TBC1D9: variants seen among roughly 807,000 people sequenced by gnomAD.
The protein encoded by TBC1D9 is TBC1 domain family member 9A.
A neutral mutation model predicts 132.0 loss-of-function variants in TBC1D9; 63 were observed. The ratio of observed to expected loss-of-function variants is 0.48; its 90% CI spans 0.39 to 0.59. TBC1D9 has a LOEUF of 0.59. Among genes scored for constraint, TBC1D9 ranks in the 20% least tolerant of loss-of-function variants. TBC1D9 has a pLI of 0.00. For synonymous variants in TBC1D9, 610 were observed against 609.9 expected (o/e 1.00, Z 0.00); for missense variants, 1,261 against 1,592.7 (o/e 0.79, Z 3.54).
At chr4:140,718,420 T>C (rs746091205) in intron 1 of TBC1D9, among the ~76,000 whole-genome samples, 2 of 152,170 alleles carry the variant, frequency 1.3e-5, no homozygotes, top group Non-Finnish European at 2.9e-5. Flanking sequence ...GAATGAACCC[T>C]GAGGAAAACA....
chr4:140,639,937 C>A (rs1736957544), intron 13 of TBC1D9, among the ~76,000 whole-genome samples: 3 of 152,172 alleles, frequency 2.0e-5, no homozygotes. Context: ...TTCGTACCCC[C>A]TAAATGTTTG....
chr4:140,664,244 A>G (rs1056607052), intron 9 of TBC1D9, among the ~76,000 whole-genome samples: 10 of 152,012 alleles, frequency 6.6e-5, no homozygotes, highest in African/African-American at 2.4e-4. Flanking sequence ...TGAAGGCTGC[A>G]GGATACAAAA....
At chr4:140,720,615 T>G (rs1456146995) in intron 1 of TBC1D9, among the ~76,000 whole-genome samples, 1 of 152,212 alleles carries the variant, frequency 6.6e-6, no homozygotes, top group East Asian at 1.9e-4. Flanking sequence ...AAATGCAGGC[T>G]GTGGCCCGTC....
chr4:140,731,152 C>A (rs947189850), intron 1 of TBC1D9, among the ~76,000 whole-genome samples: 1 of 152,130 alleles, frequency 6.6e-6, no homozygotes, highest in Non-Finnish European at 1.5e-5. Flanking sequence ...TGTTTACATA[C>A]CACCAACTCA....
intron 1 of TBC1D9, among the ~76,000 whole-genome samples, chr4:140,744,419 TCC>T (rs969280909): frequency 1.3e-5 from 2 of 152,132 alleles, no homozygotes; most frequent in Non-Finnish European, 2.9e-5. Flanking sequence ...TATACCCTTC[TCC>T]CTTTCAAATT....
At position 140,717,014 on chromosome 4, in the gene TBC1D9, C is replaced by T. The variant is rs76813261; in HGVS notation, c.131-15400G>A. Reference sequence around the variant, plus strand: ...CTCTGCATTTAATAAAACAATAATACAATGAAAGACTTGGGTTATATCAAA... The same window carrying T: ...CTCTGCATTTAATAAAACAATAATATAATGAAAGACTTGGGTTATATCAAA... On this transcript the variant is annotated intron_variant, in intron 1 of 20. Transcript: ENST00000442267. Among the ~76,000 whole-genome samples the T allele has an allele frequency of 9.9e-3, 1,493 of 151,314 alleles. 32 individuals are homozygous for T. Among genetic ancestry groups the T allele is most frequent in the South Asian group, 0.053 (255 of 4,792 alleles).
rs202037117 is a variant in TBC1D9, at chr4:140,633,974, T to G, written c.2720A>C (p.Asn907Thr). 727 of 1,613,790 alleles carry G rather than the reference T, an allele frequency of 4.5e-4. 2 individuals carry two copies. Among genetic ancestry groups the G allele is most frequent in the Non-Finnish European group, 5.9e-4 (702 of 1,179,890 alleles). The change falls in exon 16 of 21, where the codon AAC becomes ACC. Residue 907 changes from asparagine (N) to threonine (T), a missense_variant. Transcript: ENST00000442267. ...LLDENGDSLI[N>T]FREFVSGLSA... Reference sequence around the variant, plus strand: ...TAGCCCAGAGACAAACTCCCGGAAGTTAATCAAAGAGTCTCCATTTTCATC... The same window carrying G: ...TAGCCCAGAGACAAACTCCCGGAAGGTAATCAAAGAGTCTCCATTTTCATC...
intron 2 of TBC1D9, among the ~76,000 whole-genome samples, chr4:140,698,748 G>C (rs144839992): frequency 1.6e-4 from 24 of 151,374 alleles, no homozygotes; most frequent in Non-Finnish European, 2.9e-4. Context: ...GGGGGTGGGG[G>C]GGGGAAAGAC....
chr4:140,661,584 T>G (rs1039674093), intron 10 of TBC1D9, among the ~76,000 whole-genome samples: 1 of 152,166 alleles, frequency 6.6e-6, no homozygotes. Context: ...AGTGCAGTGG[T>G]TCTCAACCCA....
At chr4:140,663,175 A>C (rs1737391806) in intron 9 of TBC1D9, among the ~76,000 whole-genome samples, 1 of 152,228 alleles carries the variant, frequency 6.6e-6, no homozygotes, top group African/African-American at 2.4e-5. Context: ...AAAATATATA[A>C]TGAACTCACA....
At chr4:140,672,529 G>T (rs999661182) in intron 6 of TBC1D9, among the ~76,000 whole-genome samples, 1 of 152,138 alleles carries the variant, frequency 6.6e-6, no homozygotes, top group African/African-American at 2.4e-5. Context: ...GAGATGAAAG[G>T]TTACATTATG....
chr4:140,622,481 G>T lies in TBC1D9; in HGVS notation c.3515C>A (p.Ser1172Tyr). The T allele has an allele frequency of 1.2e-6, 2 of 1,614,048 alleles. No individual in the cohort carries two copies. Among genetic ancestry groups the T allele is most frequent in the Non-Finnish European group, 1.7e-6 (2 of 1,179,898 alleles). The change falls in exon 21 of 21, where the codon TCC becomes TAC. Residue 1172 changes from serine to tyrosine, a missense_variant. Physicochemically the swap from Ser to Tyr is moderately radical, Grantham distance 144 (BLOSUM62 -2). Coordinates refer to ENST00000442267, the MANE Select transcript of TBC1D9 (RefSeq NM_015130.3). Reference protein sequence around the residue: ...MSSYSVLSAGSHEEDKLHCED... With the variant: ...MSSYSVLSAGYHEEDKLHCED... ...GCAGTGCAGCTTGTCCTCCTCGTGG[G>T]AGCCGGCACTCAGCACCGAGTATGA...
Position 140,622,174 on chromosome 4 carries a change from T to C in TBC1D9, c.*21A>G. The C allele has an allele frequency of 6.5e-7, 1 of 1,541,980 alleles. No homozygotes were observed. Among genetic ancestry groups the C allele is most frequent in the Non-Finnish European group, 8.8e-7 (1 of 1,137,824 alleles). ...ATCCCTCCCCTCCCTCTCCTCCCAC[T>C]CCCCCGGGAAGGCGCCCGTGTCAGC... On this transcript the variant is annotated 3_prime_UTR_variant, in exon 21 of 21. Transcript: ENST00000442267.
chr4:140,669,574 A>G, intron 8 of TBC1D9, 60 bp downstream of exon 8: 22 of 1,523,446 alleles, frequency 1.4e-5, no homozygotes, highest in Admixed American at 1.9e-5. Context: ...ACAGTAAAAA[A>G]TATTGTTAAT....
At chr4:140,626,568 C>CTTA (rs1288977094) in intron 18 of TBC1D9, among the ~76,000 whole-genome samples, 1 of 152,106 alleles carries the variant, frequency 6.6e-6, no homozygotes, top group African/African-American at 2.4e-5. Flanking sequence ...TACTTTTGGA[C>CTTA]TTAGGTGAGT....
At chr4:140,632,218 T>A (rs1347709099) in intron 16 of TBC1D9, among the ~76,000 whole-genome samples, 1 of 151,858 alleles carries the variant, frequency 6.6e-6, no homozygotes, top group Non-Finnish European at 1.5e-5. Flanking sequence ...ACTTTCTACA[T>A]GTAGAACCCG....
intron 13 of TBC1D9, among the ~76,000 whole-genome samples, chr4:140,656,111 C>T (rs1466770779): frequency 6.6e-6 from 1 of 152,182 alleles, no homozygotes; most frequent in Non-Finnish European, 1.5e-5. Context: ...AAGCTGTCAG[C>T]TAGCACAGAA....
intron 1 of TBC1D9, among the ~76,000 whole-genome samples, chr4:140,709,248 T>TCTCTCTCTCTCTCACACACACACA (rs1382500714): frequency 4.8e-5 from 5 of 104,146 alleles, no homozygotes; most frequent in African/African-American, 2.2e-4. Context: ...TCTCTCTCTC[T>TCTCTCTCTCTCTCACACACACACA]CACACACACA....
chr4:140,686,468 C>A lies in TBC1D9; in HGVS notation c.242-6G>T, dbSNP rs780043929. On this transcript the variant is annotated splice_polypyrimidine_tract_variant and splice_region_variant and intron_variant, in intron 2 of 20. Transcript: ENST00000442267. Reference sequence around the variant, plus strand: ...GATTTCTTTCCTGGAACCACCTGTACAAATGAAAATAATAATTCATGTCAG... The same window carrying A: ...GATTTCTTTCCTGGAACCACCTGTAAAAATGAAAATAATAATTCATGTCAG... The A allele has an allele frequency of 6.5e-7, 1 of 1,527,994 alleles. No individual in the cohort carries two copies. Among genetic ancestry groups the A allele is most frequent in the South Asian group, 1.2e-5 (1 of 84,978 alleles). 94.7% of individuals were successfully genotyped at this position (1,527,994 alleles called of 1,614,324 possible). A position where few individuals can be genotyped will look rare whatever the true frequency, so the allele number is the denominator to read the frequency against.
Sources: allele counts gnomAD v4.1 joint callset (sites outside exome capture counted in the v4.1 genomes callset), GRCh38; gene constraint gnomAD v4.1.1; transcripts MANE v1.5; gene names NCBI Gene and HGNC (gene_info 2026-07-23, HGNC 2026-07-21).